The following TMEM135 variants were observed in gnomAD, a reference collection of about 807,000 sequenced individuals.
TMEM135 encodes the protein transmembrane protein 135, also known as peroxisomal membrane protein 52.
A neutral mutation model predicts 60.3 loss-of-function variants in TMEM135; 30 were observed. The observed-to-expected ratio is 0.50, with a 90% CI of 0.37 to 0.68. The LOEUF is 0.68. Among genes scored for constraint, TMEM135 ranks in the 30% least tolerant of loss-of-function variants. TMEM135 has a pLI of 0.00. For missense variants in TMEM135, 468 were observed against 548.8 expected (o/e 0.85, Z 1.47); for synonymous variants, 190 against 186.7 (o/e 1.02, Z -0.14).
At chr11:87,236,545 GGCA>G in intron 5 of TMEM135, 90 bp from the exon 6 acceptor site, 1 of 1,025,796 alleles carries the variant, frequency 9.7e-7, no homozygotes, top group Non-Finnish European at 1.5e-6. Flanking sequence ...TATTGTTTCA[GGCA>G]CAAGATTTAA....
intron 6 of TMEM135, among the ~76,000 whole-genome samples, chr11:87,243,230 G>A (rs1467954400): frequency 7.9e-6 from 1 of 126,468 alleles, no homozygotes; most frequent in South Asian, 2.8e-4. Flanking sequence ...TTTGGTACCA[G>A]TACCATGCTG....
chr11:87,055,568 T>C (rs186985146), intron 1 of TMEM135, among the ~76,000 whole-genome samples: 3 of 152,260 alleles, frequency 2.0e-5, no homozygotes, highest in East Asian at 3.9e-4. Context: ...TTCGACAAAA[T>C]TGTGAAGTCT....
At chr11:87,054,954 C>T (rs1347742533) in intron 1 of TMEM135, among the ~76,000 whole-genome samples, 1 of 152,064 alleles carries the variant, frequency 6.6e-6, no homozygotes, top group African/African-American at 2.4e-5. Flanking sequence ...TCTTATCTAC[C>T]CTTATTTCAT....
Position 87,206,550 on chromosome 11 carries a change from A to G in TMEM135, c.463-30088A>G, listed in dbSNP as rs540475401. Among the ~76,000 whole-genome samples, 14 of 152,310 alleles carry G rather than the reference A, an allele frequency of 9.2e-5. No individual in the cohort carries two copies. The East Asian group carries it at 2.7e-3, about 29-fold the overall frequency. On this transcript the variant is annotated intron_variant, in intron 5 of 14. Coordinates refer to ENST00000305494, the MANE Select transcript of TMEM135 (RefSeq NM_022918.4). The stretch of plus-strand genomic sequence containing the variant: ...AATCTCACAGTGAAGGCAAATTTTT[A>G]TGAAGTATCCATGATATAACCTGTG...
chr11:87,171,313 T>C (rs1283002474), intron 5 of TMEM135, among the ~76,000 whole-genome samples: 1 of 150,322 alleles, frequency 6.7e-6, no homozygotes, highest in African/African-American at 2.5e-5. Context: ...CCAAAAGAGG[T>C]ATTTCAGGTT....
intron 3 of TMEM135, among the ~76,000 whole-genome samples, chr11:87,082,638 G>C (rs1334356093): frequency 1.3e-5 from 2 of 152,178 alleles, no homozygotes; most frequent in African/African-American, 4.8e-5. Flanking sequence ...TGAAACTGTG[G>C]AAGTAGATTC....
intron 5 of TMEM135, among the ~76,000 whole-genome samples, chr11:87,162,336 A>G (rs533660977): frequency 2.0e-5 from 3 of 152,192 alleles, no homozygotes; most frequent in Admixed American, 1.3e-4. Flanking sequence ...CCCGTCATCT[A>G]CATTAGTTAT....
intron 6 of TMEM135, among the ~76,000 whole-genome samples, chr11:87,282,383 G>A (rs1326781067): frequency 6.6e-6 from 1 of 152,062 alleles, no homozygotes; most frequent in African/African-American, 2.4e-5. Context: ...TCCTGTCCCA[G>A]CCTCCCAAGT....
chr11:87,179,787 A>C (rs1419039833), intron 5 of TMEM135, among the ~76,000 whole-genome samples: 3 of 152,212 alleles, frequency 2.0e-5, no homozygotes, highest in Non-Finnish European at 2.9e-5. Context: ...ATATGGAGCA[A>C]GACTCTGTCC....
At chr11:87,128,343 C>T (rs1214476549) in intron 4 of TMEM135, among the ~76,000 whole-genome samples, 1 of 152,146 alleles carries the variant, frequency 6.6e-6, no homozygotes, top group African/African-American at 2.4e-5. Context: ...ATTCCTTTGA[C>T]TCCAGATCTT....
chr11:87,057,817 T>TG (rs34314691), intron 1 of TMEM135, among the ~76,000 whole-genome samples: 3,440 of 149,286 alleles, frequency 0.023, 112 homozygotes, highest in African/African-American at 0.067. Context: ...GTGTGTGTGT[T>TG]TGTGTGTGTG....
chr11:87,211,893 G>A (rs1001159292), intron 5 of TMEM135, among the ~76,000 whole-genome samples: 1 of 151,788 alleles, frequency 6.6e-6, no homozygotes, highest in Non-Finnish European at 1.5e-5. Flanking sequence ...GCAGTGAGCC[G>A]AGACCACGCC....
intron 5 of TMEM135, chr11:87,178,485 G>C: frequency 2.2e-6 from 1 of 456,106 alleles, no homozygotes; most frequent in South Asian, 1.5e-5. Flanking sequence ...CCCCAGGCTG[G>C]AGTGATTTCA....
intron 1 of TMEM135, among the ~76,000 whole-genome samples, chr11:87,061,975 T>C (rs1192437572): frequency 1.3e-5 from 2 of 152,174 alleles, no homozygotes. Flanking sequence ...GCCTGGAATA[T>C]TTGTGAAGAT....
At chr11:87,233,972 G>A (rs1324026316) in intron 5 of TMEM135, among the ~76,000 whole-genome samples, 1 of 152,082 alleles carries the variant, frequency 6.6e-6, no homozygotes, top group Non-Finnish European at 1.5e-5. Context: ...AAGTCACAAC[G>A]ATAAACTAGC....
chr11:87,277,667 G>A (rs774549327), intron 6 of TMEM135, among the ~76,000 whole-genome samples: 6 of 150,298 alleles, frequency 4.0e-5, no homozygotes, highest in Non-Finnish European at 7.4e-5. Context: ...GATTACAGGC[G>A]CCCACCACCA....
At chr11:87,059,600 G>A (rs535217648) in intron 1 of TMEM135, among the ~76,000 whole-genome samples, 1 of 152,148 alleles carries the variant, frequency 6.6e-6, no homozygotes, top group Non-Finnish European at 1.5e-5. Context: ...ACAGGCATGA[G>A]CTACCACACC....
chr11:87,150,496 T>G (rs1004564445), intron 4 of TMEM135, among the ~76,000 whole-genome samples: 2 of 152,188 alleles, frequency 1.3e-5, no homozygotes, highest in African/African-American at 4.8e-5. Flanking sequence ...GTTCACAGTA[T>G]GGTAATACAT....
chr11:87,091,085 A>G (rs1857195052), intron 3 of TMEM135, among the ~76,000 whole-genome samples: 1 of 152,054 alleles, frequency 6.6e-6, no homozygotes, highest in Admixed American at 6.5e-5. Context: ...TGCCAATAAC[A>G]AATAACAATG....
Sources: gnomAD v4.1 joint callset for allele counts (sites outside exome capture counted in the v4.1 genomes callset) on GRCh38, gnomAD v4.1.1 for gene constraint, MANE v1.5 for transcripts, NCBI Gene and HGNC (gene_info 2026-07-23, HGNC 2026-07-21) for gene names.